The following AFAP1L2 variants were observed in gnomAD, a reference collection of about 807,000 sequenced individuals.
AFAP1L2 encodes actin filament-associated protein 1-like 2.
In AFAP1L2, 46 loss-of-function variants were observed where a neutral mutation model predicts 99.3. The observed-to-expected ratio is 0.46, with a 90% CI of 0.37 to 0.59. The LOEUF (loss-of-function observed/expected upper bound fraction) is 0.59. Among genes scored for constraint, AFAP1L2 ranks in the 20% least tolerant of loss-of-function variants. AFAP1L2 has a pLI of 0.00. For synonymous variants in AFAP1L2, 397 were observed against 419.1 expected, an observed-to-expected ratio of 0.95 and a Z score of 0.64; for missense variants, 959 against 1,034.9, an observed-to-expected ratio of 0.93 and a Z score of 1.01.
At chr10:114,303,268 G>A (rs555762403) in intron 11 of AFAP1L2, among the ~76,000 whole-genome samples, 45 of 152,272 alleles carry the variant, frequency 3.0e-4, no homozygotes, top group African/African-American at 9.1e-4. Flanking sequence ...CAAAGAGGCC[G>A]TGATGAGCAG....
chr10:114,360,509 T>TAGTTAGATAGATAGA lies in AFAP1L2; in HGVS notation c.17-19779_17-19778insTCTATCTATCTAACT, dbSNP rs61366681. Among the ~76,000 whole-genome samples the TAGTTAGATAGATAGA allele has an allele frequency of 6.2e-3, 661 of 107,374 alleles. 3 individuals carry two copies. Among genetic ancestry groups the TAGTTAGATAGATAGA allele is most frequent in the Non-Finnish European group, 8.1e-3 (412 of 50,960 alleles). The allele number at this position is 107,374 out of a possible 152,430, so 70.4% of individuals were successfully genotyped here. ...TCTAGATAGATAGATAGATAGATAG[T>TAGTTAGATAGATAGA]TAGATAGATAGATAGATAGATAGAT... is the stretch of plus-strand genomic sequence containing the variant. On this transcript the variant is annotated intron_variant, in intron 1 of 18. Transcript: ENST00000304129.
chr10:114,398,964 T>C, intron 1 of AFAP1L2: 3 of 1,265,628 alleles, frequency 2.4e-6, no homozygotes, highest in Non-Finnish European at 2.1e-6. Context: ...CTGTGGGCTT[T>C]CATCTCCATT....
At chr10:114,353,842 G>A (rs1254129375) in intron 1 of AFAP1L2, among the ~76,000 whole-genome samples, 1 of 151,692 alleles carries the variant, frequency 6.6e-6, no homozygotes, top group Non-Finnish European at 1.5e-5. Flanking sequence ...ACCAGCCTTA[G>A]AAAAAAAAGG....
chr10:114,370,761 C>T (rs1028514637), intron 1 of AFAP1L2, among the ~76,000 whole-genome samples: 2 of 152,160 alleles, frequency 1.3e-5, no homozygotes, highest in South Asian at 2.1e-4. Flanking sequence ...TGAAATTCTG[C>T]GGAGGGGACC....
the AFAP1L2 span, chr10:114,286,235 C>T: frequency 3.1e-6 from 5 of 1,613,018 alleles, no homozygotes; most frequent in Admixed American, 3.3e-5. Flanking sequence ...GGCGGCAGAG[C>T]GTGGCTTCGG....
Position 114,313,862 on chromosome 10 carries a change from C to T in AFAP1L2, c.792+9G>A, listed in dbSNP as rs773724733. The T allele has an allele frequency of 2.0e-5, 31 of 1,589,508 alleles. No homozygotes were observed. The highest frequency in any genetic ancestry group is 2.6e-5 in the Non-Finnish European group (30 of 1,165,924). ...GGAACCCCTCCAAGTGGCTCGGTGT[C>T]GCCCTCACCCTGAGCCACTGCTCAG... On this transcript the variant is annotated intron_variant, in intron 7 of 18. Coordinates refer to ENST00000304129, the MANE Select transcript of AFAP1L2 (RefSeq NM_001001936.3).
intron 4 of AFAP1L2, among the ~76,000 whole-genome samples, chr10:114,327,389 G>A (rs1387363430): frequency 3.3e-5 from 5 of 151,334 alleles, no homozygotes; most frequent in Admixed American, 1.3e-4. Context: ...CCTGACCTCA[G>A]GTGATCTGCC....
At chr10:114,282,524 G>C in the AFAP1L2 span, 1 of 1,614,034 alleles carries the variant, frequency 6.2e-7, no homozygotes, top group Non-Finnish European at 8.5e-7. Context: ...AGCTGGAAGA[G>C]AGTGTTCCTA....
rs2054995772 is a variant in AFAP1L2 at position 114,377,726 on chromosome 10, T to C, written c.16+26714A>G. Among the ~76,000 whole-genome samples the C allele has an allele frequency of 6.6e-6, 1 of 152,200 alleles. No individual in the cohort carries two copies. Among genetic ancestry groups the C allele is most frequent in the Non-Finnish European group, 1.5e-5 (1 of 68,028 alleles). ...GATGCATTTCTGCCCTCAAATGCCT[T>C]AATTTCAACTCAGCAAGGTATCTGT... On this transcript the variant is annotated intron_variant, in intron 1 of 18. Coordinates refer to ENST00000304129, the MANE Select transcript of AFAP1L2 (RefSeq NM_001001936.3). The surrounding 1 kb of genome is among the most constrained non-coding windows in gnomAD (Gnocchi z 4.0).
chr10:114,388,215 C>T (rs1329277659), intron 1 of AFAP1L2, among the ~76,000 whole-genome samples: 3 of 152,106 alleles, frequency 2.0e-5, no homozygotes, highest in African/African-American at 7.2e-5. Context: ...AGCTCCCTCG[C>T]ACCATCCTGC....
chr10:114,340,731 G>A lies in AFAP1L2; in HGVS notation c.17C>T (p.Ala6Val), dbSNP rs148673363. The change falls in exon 2 of 19, where the codon GCC becomes GTC. Residue 6 changes from alanine to valine, a missense_variant and splice_region_variant. Coordinates refer to ENST00000304129, the MANE Select transcript of AFAP1L2 (RefSeq NM_001001936.3). MERYK[A>V]LEQLLTELDD... ...CAACTCTGTCAGCAGCTGTTCCAGG[G>A]CTAGGGACAGGAAACAGAAGAAACT... 2.5e-6 allele frequency: 4 copies of A among 1,614,194 alleles called. No individual in the cohort carries two copies. The highest frequency in any genetic ancestry group is 1.6e-4 in the Middle Eastern group (1 of 6,062).
At chr10:114,341,591 G>A (rs1470314321) in intron 1 of AFAP1L2, among the ~76,000 whole-genome samples, 1 of 144,486 alleles carries the variant, frequency 6.9e-6, no homozygotes, top group Non-Finnish European at 1.5e-5. Context: ...CCAGCCTGGT[G>A]ACAGAGCAAG....
rs766868716 is a variant in AFAP1L2, at chr10:114,315,658, G to C, written c.514C>G (p.Leu172Val). The C allele has an allele frequency of 4.3e-6, 7 of 1,613,820 alleles. No individual in the cohort carries two copies. The African/African-American group carries it at 8.0e-5, about 18-fold the overall frequency. Reference protein sequence around the residue: ...QWPSPEAGIELMRDARICAFL... With the variant: ...QWPSPEAGIEVMRDARICAFL... Reference sequence around the variant, plus strand: ...GCGCAGATGCGGGCGTCACGCATCAGCTCGATGCCGGCCTCCGGCGAGGGC... The same window carrying C: ...GCGCAGATGCGGGCGTCACGCATCACCTCGATGCCGGCCTCCGGCGAGGGC... The change falls in exon 6 of 19, where the codon CTG (leucine) becomes GTG (valine). Residue 172 changes from leucine (L) to valine (V), a missense_variant. Physicochemically the swap from Leu to Val is conservative, Grantham distance 32. Coordinates refer to ENST00000304129, the MANE Select transcript of AFAP1L2 (RefSeq NM_001001936.3).
At chr10:114,337,905 C>G (rs1210298419) in intron 2 of AFAP1L2, among the ~76,000 whole-genome samples, 1 of 152,154 alleles carries the variant, frequency 6.6e-6, no homozygotes, top group African/African-American at 2.4e-5. Context: ...CCAACCTTCC[C>G]GCTTTGTAAT....
At chr10:114,321,466 T>C (rs1157163855) in intron 5 of AFAP1L2, among the ~76,000 whole-genome samples, 6 of 152,226 alleles carry the variant, frequency 3.9e-5, no homozygotes, top group Non-Finnish European at 7.3e-5. Flanking sequence ...TAGTATTCTG[T>C]GGTGTGTATG....
intron 1 of AFAP1L2, among the ~76,000 whole-genome samples, chr10:114,404,190 C>A (rs966629581): frequency 6.6e-6 from 1 of 152,122 alleles, no homozygotes; most frequent in African/African-American, 2.4e-5. Context: ...CCCCGCCACG[C>A]CCCCCACTGA....
the AFAP1L2 span, chr10:114,284,854 C>G: frequency 8.7e-6 from 14 of 1,603,242 alleles, no homozygotes; most frequent in African/African-American, 1.3e-5. Context: ...ATGGGCATCT[C>G]TCTGATAGGC....
downstream of AFAP1L2, among the ~76,000 whole-genome samples, chr10:114,292,104 T>C (rs185004005): frequency 6.6e-6 from 1 of 152,096 alleles, no homozygotes; most frequent in East Asian, 1.9e-4. Context: ...TGGTGAAAGT[T>C]TGTCTTTACT....
At chr10:114,304,491 T>C (rs1431201687) in intron 11 of AFAP1L2, among the ~76,000 whole-genome samples, 1 of 152,192 alleles carries the variant, frequency 6.6e-6, no homozygotes, top group Non-Finnish European at 1.5e-5. Flanking sequence ...CCTTCTGCCC[T>C]AAGTGCAGGA....
Sources: gnomAD v4.1 joint callset for allele counts (sites outside exome capture counted in the v4.1 genomes callset) on GRCh38, gnomAD v4.1.1 for gene constraint, Gnocchi (gnomAD v3.1) non-coding constraint, MANE v1.5 for transcripts, NCBI Gene and HGNC (gene_info 2026-07-23, HGNC 2026-07-21) for gene names.